SALL4: variants seen among roughly 807,000 people sequenced by gnomAD.
SALL4 encodes the protein sal-like protein 4.
In SALL4, 4 loss-of-function variants were observed where a neutral mutation model predicts 60.8. The ratio of observed to expected loss-of-function variants is 0.07; its 90% confidence interval spans 0.03 to 0.15. SALL4 has a LOEUF of 0.15. Ranked by LOEUF, SALL4 falls within the 10% of genes least tolerant of loss-of-function variation. The pLI, the probability that SALL4 is intolerant of heterozygous loss-of-function variation, is 1.00. For missense variants in SALL4, 1,178 were observed against 1,394.7 expected (o/e 0.84, Z 2.48); for synonymous variants, 580 against 574.9 (o/e 1.01, Z -0.13).
chr20:51,802,490 C>T lies in SALL4; in HGVS notation c.-82G>A, dbSNP rs547951845. On this transcript the variant is annotated 5_prime_UTR_variant, in exon 1 of 4. Transcript: ENST00000217086. ...TTCCTGGAGTTGGGAAATTTACCCCCCTTCGGCCGGAACGCGCATGTCCCA... is the reference window on the plus strand; with the variant it reads ...TTCCTGGAGTTGGGAAATTTACCCCTCTTCGGCCGGAACGCGCATGTCCCA... The T allele has an allele frequency of 8.8e-6, 14 of 1,598,926 alleles. No individual in the cohort carries two copies. The South Asian group carries it at 1.3e-4, about 15-fold the overall frequency.
Position 51,788,798 on chromosome 20 carries a change from T to G in SALL4, c.2742+63A>C. 1.3e-6 allele frequency: 2 copies of G among 1,599,332 alleles called. No homozygotes were observed. The highest frequency in any genetic ancestry group is 1.7e-6 in the Non-Finnish European group (2 of 1,173,152). On this transcript the variant is annotated intron_variant, in intron 3 of 3. Transcript: ENST00000217086. This position sits in a 1 kb window ranked among gnomAD's most constrained non-coding sequence, Gnocchi z 4.1. ...AAGGATGGAAGAACTCATCACGGCT[T>G]GTGCCAATAAGAAGACACCTGGTGC...
intron 2 of SALL4, 64 bp downstream of exon 2, chr20:51,789,958 C>A: frequency 6.2e-7 from 1 of 1,601,998 alleles, no homozygotes; most frequent in South Asian, 1.1e-5. Context: ...AAAGTTCAAC[C>A]CAGGCTCCTT....
In SALL4 at chr20:51,789,010, G is replaced by C; in HGVS notation, c.2593C>G (p.Arg865Gly). Residue 865 changes from arginine to glycine, a missense_variant, in exon 3 of 4, where the codon CGA (arginine) becomes GGA (glycine). By Grantham distance (125) the Arg-to-Gly change is moderately radical (BLOSUM62 -2). Transcript: ENST00000217086. ...MTPLLAAQPR[R>G]QAKQHGCTRC... is the part of the protein sequence containing the mutation. The stretch of plus-strand genomic sequence containing the variant: ...GTGCAGCCATGTTGCTTGGCCTGTC[G>C]GCGTGGCTGGGCTGCTAACAAAGGG... 1 of 1,614,186 alleles carries C rather than the reference G, an allele frequency of 6.2e-7. No individual in the cohort carries two copies. The highest frequency in any genetic ancestry group is 1.1e-5 in the South Asian group (1 of 91,082).
chr20:51,796,687 C>T (rs1236360951), intron 1 of SALL4, among the ~76,000 whole-genome samples: 4 of 152,156 alleles, frequency 2.6e-5, no homozygotes, highest in African/African-American at 9.7e-5. Context: ...TTGCTAGTCA[C>T]AATACAGAGG....
intron 3 of SALL4, among the ~76,000 whole-genome samples, chr20:51,786,598 A>T (rs1222907598): frequency 2.6e-5 from 4 of 152,244 alleles, no homozygotes; most frequent in African/African-American, 9.6e-5. Flanking sequence ...CACAACATGC[A>T]CACCTGAGTA....
intron 1 of SALL4, 78 bp downstream of exon 1, chr20:51,802,201 C>T (rs1254700019): frequency 1.3e-6 from 2 of 1,488,132 alleles, no homozygotes; most frequent in African/African-American, 1.4e-5. Flanking sequence ...CGCCCGCTCC[C>T]CGAAGCCTGC....
intron 1 of SALL4, among the ~76,000 whole-genome samples, chr20:51,794,025 G>A (rs1303011036): frequency 2.0e-5 from 3 of 152,210 alleles, no homozygotes; most frequent in Non-Finnish European, 4.4e-5. Context: ...TACTGGGCAC[G>A]CGTAATCGCG....
rs140533318 is a variant in SALL4 at position 51,790,119 on chromosome 20, G to C, written c.2364C>G (p.Leu788=). The change falls in exon 2 of 4, where the codon CTC becomes CTG. Residue 788 remains leucine, a synonymous_variant. Transcript: ENST00000217086. The surrounding 1 kb of genome is among the most constrained non-coding windows in gnomAD (Gnocchi z 5.5). Reference sequence around the variant, plus strand: ...TTTCGGCTTGACTATTGGCCGGGGAGAGTGCCTGGAAGGATGTGGTTTCCA... The same window carrying C: ...TTTCGGCTTGACTATTGGCCGGGGACAGTGCCTGGAAGGATGTGGTTTCCA... The part of the protein sequence containing the change: ...DILETTSFQA[L]SPANSQAESI... 6.2e-7 allele frequency: 1 copy of C among 1,614,086 alleles called. No homozygotes were observed. Among genetic ancestry groups the C allele is most frequent in the Non-Finnish European group, 8.5e-7 (1 of 1,180,056 alleles).
At chr20:51,785,111 C>T (rs541400306) in intron 3 of SALL4, among the ~76,000 whole-genome samples, 59 of 152,028 alleles carry the variant, frequency 3.9e-4, no homozygotes, top group African/African-American at 1.4e-3. Flanking sequence ...AAGACCAGCC[C>T]GGCCAACATG....
Position 51,790,389 on chromosome 20 carries a change from G to A in SALL4, c.2094C>T (p.Ser698=), listed in dbSNP as rs185571842. The stretch of plus-strand genomic sequence containing the variant: ...TGGAGGAGCTGCTGGGAGCCTCCTG[G>A]GAGCTGACTTCCTCTACATCGATGC... ...IESIDVEEVS[S]QEAPSSSSKV... is the part of the protein sequence containing the mutation. Residue 698 remains serine, a synonymous_variant, in exon 2 of 4, where the codon TCC becomes TCT. Coordinates refer to ENST00000217086, the MANE Select transcript of SALL4 (RefSeq NM_020436.5). The surrounding 1 kb of genome is among the most constrained non-coding windows in gnomAD (Gnocchi z 5.5). The A allele has an allele frequency of 2.6e-5, 42 of 1,614,086 alleles. No homozygotes were observed. In the African/African-American group the frequency reaches 4.5e-4, roughly 17 times the overall value.
chr20:51,789,179 T>G (rs1447151643), intron 2 of SALL4, 38 bp from the exon 3 acceptor site: 1 of 1,609,126 alleles, frequency 6.2e-7, no homozygotes, highest in East Asian at 2.2e-5. Flanking sequence ...ACCTTTATCA[T>G]CCAACCTTCA....
intron 1 of SALL4, among the ~76,000 whole-genome samples, chr20:51,802,015 C>G (rs1450131674): frequency 6.8e-6 from 1 of 146,408 alleles, no homozygotes; most frequent in Non-Finnish European, 1.5e-5. Context: ...AACAGAGGAG[C>G]GAGTGGGGGT....
In SALL4 at chr20:51,790,629, G is replaced by T; in HGVS notation, c.1854C>A (p.Thr618=). ...AATGCTGCGTCTTAATGGATGTGTT[G>T]GTTCGGTGAACCCCAAGGTGTGTCT... is the stretch of plus-strand genomic sequence containing the variant. The part of the protein sequence containing the change: ...NLKTHLGVHR[T]NTSIKTQHSC... The change falls in exon 2 of 4, where the codon ACC becomes ACA. Residue 618 remains threonine (T), a synonymous_variant. Coordinates refer to ENST00000217086, the MANE Select transcript of SALL4 (RefSeq NM_020436.5). This position sits in a 1 kb window ranked among gnomAD's most constrained non-coding sequence, Gnocchi z 5.5. 6.2e-7 allele frequency: 1 copy of T among 1,614,178 alleles called. No homozygotes were observed. Among genetic ancestry groups the T allele is most frequent in the African/African-American group, 1.3e-5 (1 of 75,048 alleles).
At chr20:51,784,749 A>G (rs533208119) in intron 3 of SALL4, 65 bp from the exon 4 acceptor site, 9 of 1,562,248 alleles carry the variant, frequency 5.8e-6, no homozygotes, top group Middle Eastern at 1.7e-4. Context: ...GCAAGCCAAG[A>G]ATCAATCTGC....
intron 3 of SALL4, 72 bp from the exon 4 acceptor site, chr20:51,784,756 C>G (rs2077980514): frequency 6.5e-7 from 1 of 1,532,414 alleles, no homozygotes; most frequent in African/African-American, 1.4e-5. Flanking sequence ...AAGAATCAAT[C>G]TGCATATGGA....
At position 51,788,906 on chromosome 20, in the gene SALL4, C is replaced by T. The variant is rs1201506441; in HGVS notation, c.2697G>A (p.Val899=). Residue 899 remains valine (V), a synonymous_variant, in exon 3 of 4, where the codon GTG becomes GTA. Coordinates refer to ENST00000217086, the MANE Select transcript of SALL4 (RefSeq NM_020436.5). This position sits in a 1 kb window ranked among gnomAD's most constrained non-coding sequence, Gnocchi z 4.1. ...TAAAAGCTCGCCCACAAATGTTGCA[C>T]ACAAAAGGCTTCTCTCCAGTGTGAG... ...ERTHTGEKPF[V]CNICGRAFTT... The T allele has an allele frequency of 6.2e-7, 1 of 1,614,204 alleles. No individual in the cohort carries two copies. Among genetic ancestry groups the T allele is most frequent in the South Asian group, 1.1e-5 (1 of 91,074 alleles).
chr20:51,795,481 G>A lies in SALL4; in HGVS notation c.131-3129C>T, dbSNP rs576765963. ...CCTGGCAACTATTTATCTGGGAACCGCCAACTCTCAGATAAATAGTATCTA... is the reference window on the plus strand; with the variant it reads ...CCTGGCAACTATTTATCTGGGAACCACCAACTCTCAGATAAATAGTATCTA... On this transcript the variant is annotated intron_variant, in intron 1 of 3. Transcript: ENST00000217086. 9.2e-5 allele frequency among the ~76,000 whole-genome samples: 14 copies of A among 152,224 alleles called. No individual in the cohort carries two copies. The East Asian group carries it at 1.4e-3, about 15-fold the overall frequency.
intron 2 of SALL4, 151 bp from the exon 3 acceptor site, chr20:51,789,292 G>C (rs965834645): frequency 1.6e-5 from 14 of 849,434 alleles, no homozygotes; most frequent in Non-Finnish European, 2.5e-5. Context: ...CCTTTGAATT[G>C]TTTATCTGCA....
chr20:51,796,196 CAAAAAAAA>C (rs11474910), intron 1 of SALL4, among the ~76,000 whole-genome samples: 1 of 90,584 alleles, frequency 1.1e-5, no homozygotes, highest in Non-Finnish European at 2.1e-5. Context: ...AAGACTGTCT[CAAAAAAAA>C]AAAAAAAAAG....
Sources: gnomAD v4.1 joint callset for allele counts (sites outside exome capture counted in the v4.1 genomes callset) on GRCh38, gnomAD v4.1.1 for gene constraint, Gnocchi (gnomAD v3.1) non-coding constraint, MANE v1.5 for transcripts, NCBI Gene and HGNC (gene_info 2026-07-23, HGNC 2026-07-21) for gene names.